The following KLF12 variants were observed in gnomAD, a reference collection of about 807,000 sequenced individuals.
KLF12 encodes KLF transcription factor 12, also known as Krueppel-like factor 12.
In KLF12, 9 loss-of-function variants were observed where a neutral mutation model predicts 37.8. That is an observed-to-expected ratio of 0.24 (90% CI 0.14 to 0.42). KLF12 has a LOEUF of 0.42. KLF12 is among the 10% of genes least tolerant of loss of function. The probability of loss-of-function intolerance (pLI) is 1.00; values close to 1 mark genes in which losing one functional copy is unlikely to be tolerated. For synonymous variants in KLF12, 208 were observed against 202.1 expected (o/e 1.03, Z -0.25); for missense variants, 411 against 516.0 (o/e 0.80, Z 1.97).
the KLF12 span, among the ~76,000 whole-genome samples, chr13:74,303,340 C>T: frequency 6.6e-6 from 1 of 152,100 alleles, no homozygotes; most frequent in African/African-American, 2.4e-5. Context: ...TTTCCTATTC[C>T]CATATGCTTT....
the KLF12 span, among the ~76,000 whole-genome samples, chr13:74,172,059 A>G: frequency 5.6e-3 from 850 of 151,984 alleles, 8 homozygotes; most frequent in African/African-American, 0.02. Flanking sequence ...CCCCAGCCAA[A>G]TGGCTATCAA....
chr13:73,851,902 C>A (rs1885353172), intron 3 of KLF12, among the ~76,000 whole-genome samples: 1 of 152,296 alleles, frequency 6.6e-6, no homozygotes, highest in East Asian at 1.9e-4. Context: ...TCCTTTTGAA[C>A]ATGAAGTGCA....
chr13:74,030,879 C>T (rs1372264119), intron 1 of KLF12, among the ~76,000 whole-genome samples: 1 of 152,052 alleles, frequency 6.6e-6, no homozygotes, highest in Non-Finnish European at 1.5e-5. Flanking sequence ...GAGGTAGAAA[C>T]AAGTGGTTAA....
chr13:73,928,721 AT>A (rs1889524363), intron 3 of KLF12, among the ~76,000 whole-genome samples: 1 of 152,208 alleles, frequency 6.6e-6, no homozygotes, highest in African/African-American at 2.4e-5. Flanking sequence ...TGCTTTTGGC[AT>A]TTAAGTTGCC....
chr13:73,891,196 T>G (rs1887491148), intron 3 of KLF12, among the ~76,000 whole-genome samples: 1 of 152,136 alleles, frequency 6.6e-6, no homozygotes, highest in Admixed American at 6.5e-5. Flanking sequence ...ACATATTTTT[T>G]CATGAGTATG....
chr13:74,077,405 T>C (rs948059047), intron 1 of KLF12, among the ~76,000 whole-genome samples: 4 of 152,216 alleles, frequency 2.6e-5, no homozygotes, highest in Non-Finnish European at 5.9e-5. Context: ...AAAAGAATTA[T>C]GGCTTCAACC....
intron 6 of KLF12, among the ~76,000 whole-genome samples, chr13:73,720,173 A>G (rs1876129927): frequency 6.6e-6 from 1 of 152,098 alleles, no homozygotes; most frequent in South Asian, 2.1e-4. Flanking sequence ...ACTCCTGGCA[A>G]TATTATCTTG....
intron 5 of KLF12, among the ~76,000 whole-genome samples, chr13:73,809,660 T>C (rs1033489364): frequency 4.6e-5 from 7 of 152,192 alleles, no homozygotes; most frequent in Admixed American, 3.3e-4. Flanking sequence ...CTATTAGTTT[T>C]CAAAGATCTA....
chr13:73,951,090 T>C (rs1054715241), intron 2 of KLF12, among the ~76,000 whole-genome samples: 2 of 152,198 alleles, frequency 1.3e-5, no homozygotes, highest in African/African-American at 2.4e-5. Context: ...ACATTTGCAA[T>C]ACAACCACAA....
At chr13:74,112,662 G>A (rs1159867704) in intron 1 of KLF12, among the ~76,000 whole-genome samples, 1 of 152,138 alleles carries the variant, frequency 6.6e-6, no homozygotes, top group Non-Finnish European at 1.5e-5. Context: ...TAGATGTTGT[G>A]TGTGTTCTTA....
intron 2 of KLF12, 71 bp from the exon 3 acceptor site, chr13:73,944,141 C>T (rs1593765922): frequency 1.1e-6 from 1 of 897,862 alleles, no homozygotes; most frequent in Non-Finnish European, 1.8e-6. Context: ...GAGAGTCTTC[C>T]CTCATTGTAG....
chr13:73,925,675 C>G (rs1206148757), intron 3 of KLF12, among the ~76,000 whole-genome samples: 1 of 151,976 alleles, frequency 6.6e-6, no homozygotes, highest in Non-Finnish European at 1.5e-5. Context: ...GTTATAGCTG[C>G]CATAGATAAT....
chr13:73,806,721 C>T (rs527860189), intron 5 of KLF12, among the ~76,000 whole-genome samples: 3 of 151,464 alleles, frequency 2.0e-5, no homozygotes, highest in East Asian at 1.9e-4. Flanking sequence ...TCCAGGCCTC[C>T]GCTTCTTTAT....
At chr13:73,899,129 G>T (rs1019400691) in intron 3 of KLF12, among the ~76,000 whole-genome samples, 3 of 152,238 alleles carry the variant, frequency 2.0e-5, no homozygotes, top group African/African-American at 4.8e-5. Flanking sequence ...CCCCCAGGAA[G>T]GGGGCTGGAG....
chr13:73,899,108 G>C (rs1368173446), intron 3 of KLF12, among the ~76,000 whole-genome samples: 1 of 152,254 alleles, frequency 6.6e-6, no homozygotes, highest in African/African-American at 2.4e-5. Context: ...AGGCCCCCCA[G>C]TTGGGGCCAC....
chr13:74,072,364 A>AATATATATATATATATATATATAT (rs773653636), intron 1 of KLF12, among the ~76,000 whole-genome samples: 3 of 63,060 alleles, frequency 4.8e-5, no homozygotes, highest in Admixed American at 2.1e-4. Context: ...AAGAAATACA[A>AATATATATATATATATATATATAT]ATATATATAT....
At chr13:74,082,077 C>G (rs1448575011) in intron 1 of KLF12, among the ~76,000 whole-genome samples, 1 of 150,134 alleles carries the variant, frequency 6.7e-6, no homozygotes, top group Non-Finnish European at 1.5e-5. Context: ...CCTGTAATCC[C>G]AGCACTTTGG....
At chr13:74,005,710 A>C (rs1483185155) in intron 1 of KLF12, among the ~76,000 whole-genome samples, 2 of 152,240 alleles carry the variant, frequency 1.3e-5, no homozygotes, top group Non-Finnish European at 2.9e-5. Flanking sequence ...CTAAATGAAT[A>C]CAAGAGCCAC....
intron 1 of KLF12, among the ~76,000 whole-genome samples, chr13:74,070,446 G>A (rs1351906125): frequency 1.3e-5 from 2 of 152,158 alleles, no homozygotes; most frequent in African/African-American, 4.8e-5. Flanking sequence ...GGCCAAAGAG[G>A]GCAAGAGTCT....
Sources: gnomAD v4.1 joint callset for allele counts (sites outside exome capture counted in the v4.1 genomes callset) on GRCh38, gnomAD v4.1.1 for gene constraint, MANE v1.5 for transcripts, NCBI Gene and HGNC (gene_info 2026-07-23, HGNC 2026-07-21) for gene names.